SPTBN2: variants seen among roughly 807,000 people sequenced by gnomAD.
SPTBN2 encodes the protein spectrin beta, non-erythrocytic 2, also known as spectrin beta chain, non-erythrocytic 2.
SPTBN2 carries 107 observed loss-of-function variants against 284.2 expected under a neutral mutation model. The ratio of observed to expected loss-of-function variants is 0.38; its 90% CI spans 0.32 to 0.44. The LOEUF (loss-of-function observed/expected upper bound fraction) is 0.44. Ranked by LOEUF, SPTBN2 falls within the 20% of genes least tolerant of loss-of-function variation. SPTBN2 has a pLI of 1.00. For missense variants in SPTBN2, 2,569 were observed against 3,287.1 expected, an observed-to-expected ratio of 0.78 and a Z score of 5.34; for synonymous variants, 1,289 against 1,354.8, an observed-to-expected ratio of 0.95 and a Z score of 1.07.
intron 21 of SPTBN2, among the ~76,000 whole-genome samples, chr11:66,695,693 T>A (rs1378402672): frequency 6.6e-6 from 1 of 152,190 alleles, no homozygotes. Context: ...AAAAGTTTTC[T>A]GACCCCTGCT....
At position 66,685,853 on chromosome 11, in the gene SPTBN2, C is replaced by G. The variant is rs765246714; in HGVS notation, c.*18G>C. The G allele has an allele frequency of 6.2e-7, 1 of 1,610,196 alleles. No homozygotes were observed. Among genetic ancestry groups the G allele is most frequent in the Non-Finnish European group, 8.5e-7 (1 of 1,177,150 alleles). On this transcript the variant is annotated 3_prime_UTR_variant, in exon 38 of 38. Coordinates refer to ENST00000533211, the MANE Select transcript of SPTBN2 (RefSeq NM_006946.4). This position sits in a 1 kb window ranked among gnomAD's most constrained non-coding sequence, Gnocchi z 4.4. Reference sequence around the variant, plus strand: ...TCCTGAACGGAGGGAGGGAGTTGGCCTGGGACCTTGCCCCCAACTACTTGT... The same window carrying G: ...TCCTGAACGGAGGGAGGGAGTTGGCGTGGGACCTTGCCCCCAACTACTTGT...
At chr11:66,725,252 T>C (rs1196732484) in intron 1 of SPTBN2, among the ~76,000 whole-genome samples, 1 of 152,194 alleles carries the variant, frequency 6.6e-6, no homozygotes, top group African/African-American at 2.4e-5. Flanking sequence ...TGAATGGTGC[T>C]CTCTGGCATT....
At position 66,691,171 on chromosome 11, in the gene SPTBN2, A is replaced by C; in HGVS notation, c.5565+113T>G. 1.4e-6 allele frequency: 2 copies of C among 1,394,514 alleles called. No homozygotes were observed. The highest frequency in any genetic ancestry group is 9.5e-7 in the Non-Finnish European group (1 of 1,054,336). 86.4% of individuals were successfully genotyped at this position (1,394,514 alleles called of 1,614,324 possible). ...CTCATCTCGAAATGGCCCTCGAAAG[A>C]GTGCCGTCCTCCCAGCATTTCTGAG... On this transcript the variant is annotated intron_variant, in intron 27 of 37. Coordinates refer to ENST00000533211, the MANE Select transcript of SPTBN2 (RefSeq NM_006946.4). This position sits in a 1 kb window ranked among gnomAD's most constrained non-coding sequence, Gnocchi z 8.0.
chr11:66,733,847 A>G (rs1000230616), upstream of SPTBN2, among the ~76,000 whole-genome samples: 1 of 151,976 alleles, frequency 6.6e-6, no homozygotes, highest in Non-Finnish European at 1.5e-5. Context: ...GCGCGGTGGC[A>G]GGCGCCTGTA....
In SPTBN2 at chr11:66,699,027, G is replaced by A. The variant is rs373743022; in HGVS notation, c.3832C>T (p.Arg1278Trp). The A allele has an allele frequency of 1.9e-5, 30 of 1,614,072 alleles. No individual in the cohort carries two copies. The highest frequency in any genetic ancestry group is 1.2e-4 in the Admixed American group (7 of 60,008). Residue 1278 changes from arginine (R) to tryptophan (W), a missense_variant, in exon 19 of 38, where the codon CGG becomes TGG. Coordinates refer to ENST00000533211, the MANE Select transcript of SPTBN2 (RefSeq NM_006946.4). Reference sequence around the variant, plus strand: ...TCTTGCAGGAAATGCTGCTGCTCCCGGTTGTCCCGAAGACGGCCCAGAAAT... The same window carrying A: ...TCTTGCAGGAAATGCTGCTGCTCCCAGTTGTCCCGAAGACGGCCCAGAAAT... ...QQFLGRLRDN[R>W]EQQHFLQDCH... is the part of the protein sequence containing the mutation.
chr11:66,685,774 A>C lies in SPTBN2; in HGVS notation c.*97T>G, dbSNP rs1392941736. 8.5e-7 allele frequency: 1 copy of C among 1,176,576 alleles called. No homozygotes were observed. The highest frequency in any genetic ancestry group is 1.3e-6 in the Non-Finnish European group (1 of 791,710). The allele number at this position is 1,176,576 out of a possible 1,614,324, so 72.9% of individuals were successfully genotyped here. A position where few individuals can be genotyped will look rare whatever the true frequency, so the allele number is the denominator to read the frequency against. ...GTTGACCTTGGCAACAGACCCTAGCAGCAGGCAGTTGTCCTGACAAGAGGG... is the reference window on the plus strand; with the variant it reads ...GTTGACCTTGGCAACAGACCCTAGCCGCAGGCAGTTGTCCTGACAAGAGGG... On this transcript the variant is annotated 3_prime_UTR_variant, in exon 38 of 38. Coordinates refer to ENST00000533211, the MANE Select transcript of SPTBN2 (RefSeq NM_006946.4). This position sits in a 1 kb window ranked among gnomAD's most constrained non-coding sequence, Gnocchi z 4.4.
In SPTBN2 at chr11:66,699,079, G is replaced by C; in HGVS notation, c.3780C>G (p.His1260Gln). The change falls in exon 19 of 38, where the codon CAC becomes CAG. Residue 1260 changes from histidine to glutamine, a missense_variant. By Grantham distance (24) the His-to-Gln change is conservative. This residue lies in a region of SPTBN2 where 1,012 missense variants were observed against 1,248.9 expected (regional missense o/e 0.81). Transcript: ENST00000533211. ...GCTGCGCTGCGTCTTGATTCTTCTT[G>C]TGCCTGGAACGACACCCTCTTGTGA... ...REKADSIERRHKKNQDAAQQF... is the reference protein window; with the variant it reads ...REKADSIERRQKKNQDAAQQF... 6.2e-7 allele frequency: 1 copy of C among 1,614,204 alleles called. No individual in the cohort carries two copies. The highest frequency in any genetic ancestry group is 8.5e-7 in the Non-Finnish European group (1 of 1,180,038).
chr11:66,687,650 G>A lies in SPTBN2; in HGVS notation c.6502-3C>T, dbSNP rs760697406. The A allele has an allele frequency of 6.3e-6, 10 of 1,588,146 alleles. No individual in the cohort carries two copies. In the African/African-American group the frequency reaches 1.3e-4, roughly 21 times the overall value. Reference sequence around the variant, plus strand: ...GCTTCGTCCCCTGAGCCAGGTCCCTGGGGGGGAATCAGTGTCAGTGTCAAA... The same window carrying A: ...GCTTCGTCCCCTGAGCCAGGTCCCTAGGGGGGAATCAGTGTCAGTGTCAAA... On this transcript the variant is annotated splice_region_variant and splice_polypyrimidine_tract_variant and intron_variant, in intron 34 of 37. Transcript: ENST00000533211. The surrounding 1 kb of genome is among the most constrained non-coding windows in gnomAD (Gnocchi z 5.2).
intron 1 of SPTBN2, among the ~76,000 whole-genome samples, chr11:66,737,873 T>C (rs1258354816): frequency 2.0e-5 from 3 of 152,122 alleles, no homozygotes; most frequent in South Asian, 4.1e-4. Flanking sequence ...TTGAAAAAAA[T>C]ATTGCTTCTC....
chr11:66,703,652 G>A (rs1215211527), intron 15 of SPTBN2, among the ~76,000 whole-genome samples: 1 of 151,804 alleles, frequency 6.6e-6, no homozygotes, highest in African/African-American at 2.4e-5. Flanking sequence ...CAGGAGAATC[G>A]CTGGAACCCG....
rs907768540 is a variant in SPTBN2, at chr11:66,705,460, G to C, written c.1816C>G (p.Pro606Ala). ...TCCGACACCAGCTGCGGGTCGCAAG[G>C]TCTATACTCTGAGAAAGTCACAGGA... ...RFCNPGKEYR[P>A]CDPQLVSERV... Residue 606 changes from proline (P) to alanine (A), a missense_variant, in exon 15 of 38, where the codon CCT becomes GCT. By Grantham distance (27) the Pro-to-Ala change is conservative. This residue lies in a region of SPTBN2 where 1,012 missense variants were observed against 1,248.9 expected (regional missense o/e 0.81). Transcript: ENST00000533211. 2 of 1,612,928 alleles carry C rather than the reference G, an allele frequency of 1.2e-6. No homozygotes were observed. The highest frequency in any genetic ancestry group is 1.7e-6 in the Non-Finnish European group (2 of 1,180,042).
intron 20 of SPTBN2, among the ~76,000 whole-genome samples, chr11:66,698,205 A>G (rs911673856): frequency 1.3e-5 from 2 of 152,254 alleles, no homozygotes; most frequent in Non-Finnish European, 2.9e-5. Flanking sequence ...GGAAACAGCC[A>G]TGTTCATTCA....
chr11:66,717,232 A>G (rs1436511122), intron 3 of SPTBN2, among the ~76,000 whole-genome samples: 1 of 152,096 alleles, frequency 6.6e-6, no homozygotes, highest in African/African-American at 2.4e-5. Flanking sequence ...GGAAGTAAAT[A>G]CTAGGTTCCG....
intron 21 of SPTBN2, among the ~76,000 whole-genome samples, chr11:66,694,899 C>A (rs1305284443): frequency 6.6e-6 from 1 of 152,176 alleles, no homozygotes; most frequent in Non-Finnish European, 1.5e-5. Flanking sequence ...TTCCAAGGTG[C>A]TTTTCTTCCT....
chr11:66,719,780 C>T (rs537963483), intron 3 of SPTBN2, among the ~76,000 whole-genome samples: 2 of 152,328 alleles, frequency 1.3e-5, no homozygotes, highest in Admixed American at 1.3e-4. Flanking sequence ...GACATCATGA[C>T]AGTTCTAGAG....
upstream of SPTBN2, among the ~76,000 whole-genome samples, chr11:66,730,796 GC>G (rs1942799879): frequency 6.6e-6 from 1 of 152,070 alleles, no homozygotes; most frequent in African/African-American, 2.4e-5. Flanking sequence ...CCTTCAAGAA[GC>G]CTTGTAAGAT....
rs756425680 is a variant in SPTBN2, at chr11:66,705,490, G to A, written c.1808-22C>T. On this transcript the variant is annotated intron_variant, in intron 14 of 37. Coordinates refer to ENST00000533211, the MANE Select transcript of SPTBN2 (RefSeq NM_006946.4). ...TACTCTGAGAAAGTCACAGGAGAGGGTCAGAGCCTTAACCCAGCCCTCCGG... is the reference window on the plus strand; with the variant it reads ...TACTCTGAGAAAGTCACAGGAGAGGATCAGAGCCTTAACCCAGCCCTCCGG... 3.7e-6 allele frequency: 6 copies of A among 1,612,676 alleles called. No homozygotes were observed. In the African/African-American group the frequency reaches 5.3e-5, roughly 14 times the overall value.
chr11:66,687,654 G>A lies in SPTBN2; in HGVS notation c.6502-7C>T, dbSNP rs1266648895. On this transcript the variant is annotated splice_region_variant and splice_polypyrimidine_tract_variant and intron_variant, in intron 34 of 37. Coordinates refer to ENST00000533211, the MANE Select transcript of SPTBN2 (RefSeq NM_006946.4). This position sits in a 1 kb window ranked among gnomAD's most constrained non-coding sequence, Gnocchi z 5.2. ...CGTCCCCTGAGCCAGGTCCCTGGGGGGGAATCAGTGTCAGTGTCAAAGGTT... is the reference window on the plus strand; with the variant it reads ...CGTCCCCTGAGCCAGGTCCCTGGGGAGGAATCAGTGTCAGTGTCAAAGGTT... The A allele has an allele frequency of 6.3e-7, 1 of 1,587,610 alleles. No individual in the cohort carries two copies. Among genetic ancestry groups the A allele is most frequent in the African/African-American group, 1.3e-5 (1 of 74,450 alleles).
intron 1 of SPTBN2, among the ~76,000 whole-genome samples, chr11:66,742,912 G>C (rs760103717): frequency 1.3e-5 from 2 of 152,148 alleles, no homozygotes; most frequent in East Asian, 3.8e-4. Context: ...GCCCGGCCAC[G>C]ATGGGAAATA....
Sources: gnomAD v4.1 joint callset for allele counts (sites outside exome capture counted in the v4.1 genomes callset) on GRCh38, gnomAD v4.1.1 for gene constraint, gnomAD v4.1.1 regional missense constraint, Gnocchi (gnomAD v3.1) non-coding constraint, MANE v1.5 for transcripts, NCBI Gene and HGNC (gene_info 2026-07-23, HGNC 2026-07-21) for gene names.